SYNE2: variants seen among roughly 807,000 people sequenced by gnomAD.
SYNE2 encodes the protein spectrin repeat containing nuclear envelope protein 2.
Under a neutral mutation model 856.3 loss-of-function variants are expected in SYNE2, and 431 were observed. The observed-to-expected ratio is 0.50, with a 90% CI of 0.47 to 0.55. The LOEUF is 0.55. SYNE2 is among the 20% of genes least tolerant of loss of function. The pLI is 0.00. For synonymous variants in SYNE2, 2,923 were observed against 2,872.3 expected (o/e 1.02, Z -0.56); for missense variants, 8,129 against 8,023.2 (o/e 1.01, Z -0.50).
intron 99 of SYNE2, chr14:64,190,735 T>C: frequency 1.5e-6 from 1 of 662,640 alleles, no homozygotes; most frequent in East Asian, 2.7e-5. Context: ...AGGTCTCCCA[T>C]GGGTGTCTTG....
At chr14:64,096,102 T>G (rs904651701) in intron 61 of SYNE2, among the ~76,000 whole-genome samples, 1 of 152,246 alleles carries the variant, frequency 6.6e-6, no homozygotes, top group African/African-American at 2.4e-5. Context: ...GATCCTGGAC[T>G]TCCCAGTCTC....
chr14:64,110,602 G>T (rs201245721), intron 65 of SYNE2, among the ~76,000 whole-genome samples: 1 of 21,618 alleles, frequency 4.6e-5, no homozygotes, highest in African/African-American at 1.8e-4. Context: ...CCCCCCCCCC[G>T]CCAAAGTGTA....
At chr14:64,124,288 G>C (rs1595684915) in intron 70 of SYNE2, among the ~76,000 whole-genome samples, 1 of 152,016 alleles carries the variant, frequency 6.6e-6, no homozygotes, top group Non-Finnish European at 1.5e-5. Flanking sequence ...GAACTCCTGG[G>C]CTCAAACGAT....
At chr14:64,172,748 TAGTG>T (rs1363461615) in intron 94 of SYNE2, among the ~76,000 whole-genome samples, 1 of 151,868 alleles carries the variant, frequency 6.6e-6, no homozygotes, top group African/African-American at 2.4e-5. Flanking sequence ...GTGTACAACA[TAGTG>T]AGACCCCTGT....
At chr14:64,128,703 A>G in intron 74 of SYNE2, 150 bp downstream of exon 74, 1 of 656,684 alleles carries the variant, frequency 1.5e-6, no homozygotes, top group Non-Finnish European at 2.8e-6. Context: ...TGACTTTTTA[A>G]AAACATCTCC....
Position 64,000,581 on chromosome 14 carries a change from A to G in SYNE2, c.3500A>G (p.Asp1167Gly). The G allele has an allele frequency of 6.2e-7, 1 of 1,613,374 alleles. No homozygotes were observed. Among genetic ancestry groups the G allele is most frequent in the Non-Finnish European group, 8.5e-7 (1 of 1,179,554 alleles). The change falls in exon 28 of 116, where the codon GAT (aspartate) becomes GGT (glycine). Residue 1167 changes from aspartate to glycine, a missense_variant. Around this residue, in one of 3 missense-constraint regions of SYNE2, gnomAD observed 2,422 missense variants for 2,357.4 expected, o/e 1.03. Coordinates refer to ENST00000555002, the MANE Select transcript of SYNE2 (RefSeq NM_182914.3). Reference sequence around the variant, plus strand: ...ATCTAGGTCATAAAAAATGAAACTGATGCTCGCTGGAAAGAGTTTGAAATT... The same window carrying G: ...ATCTAGGTCATAAAAAATGAAACTGGTGCTCGCTGGAAAGAGTTTGAAATT... The part of the protein sequence containing the change: ...TDLQVIKNET[D>G]ARWKEFEIIS...
intron 87 of SYNE2, among the ~76,000 whole-genome samples, chr14:64,159,662 A>T (rs1233413746): frequency 6.6e-6 from 1 of 152,170 alleles, no homozygotes; most frequent in Admixed American, 6.5e-5. Context: ...TTAGTCTAGA[A>T]ATGGCCTAAT....
At chr14:64,215,421 C>T (rs2140270679) in intron 107 of SYNE2, 67 bp downstream of exon 107, 4 of 1,497,598 alleles carry the variant, frequency 2.7e-6, no homozygotes, top group South Asian at 1.1e-5. Flanking sequence ...TCCTCAACCT[C>T]GCTCCCATGT....
chr14:63,948,146 T>TAGACACACAG (rs1786543495), intron 6 of SYNE2, among the ~76,000 whole-genome samples: 2 of 119,738 alleles, frequency 1.7e-5, no homozygotes, highest in Admixed American at 9.2e-5. Context: ...TGCGCGCACA[T>TAGACACACAG]ACACACACAG....
chr14:64,007,072 T>A lies in SYNE2; in HGVS notation c.4427T>A (p.Val1476Asp). The A allele has an allele frequency of 1.2e-6, 2 of 1,613,672 alleles. No individual in the cohort carries two copies. The highest frequency in any genetic ancestry group is 8.5e-7 in the Non-Finnish European group (1 of 1,179,696). Residue 1476 changes from valine to aspartate, a missense_variant, in exon 31 of 116, where the codon GTT becomes GAT. Physicochemically the swap from Val to Asp is radical, Grantham distance 152 (BLOSUM62 -3). Around this residue, in one of 3 missense-constraint regions of SYNE2, gnomAD observed 2,422 missense variants for 2,357.4 expected, o/e 1.03. Coordinates refer to ENST00000555002, the MANE Select transcript of SYNE2 (RefSeq NM_182914.3). ...RKKSLIRLDK[V>D]LDEYEEEKRH... is the part of the protein sequence containing the mutation. ...AAATCATTAATCAGACTGGATAAGG[T>A]TCTAGATGAATATGAAGAAGAGAAG...
intron 79 of SYNE2, 60 bp from the exon 80 acceptor site, chr14:64,139,881 T>C (rs1016621554): frequency 7.0e-6 from 11 of 1,573,126 alleles, no homozygotes; most frequent in Middle Eastern, 1.7e-4. Flanking sequence ...TTGCTGGTGA[T>C]GCATATCATT....
At chr14:64,066,831 T>TG (rs1308554640) in intron 51 of SYNE2, among the ~76,000 whole-genome samples, 1 of 152,148 alleles carries the variant, frequency 6.6e-6, no homozygotes, top group Admixed American at 6.5e-5. Flanking sequence ...ATTTTATCGA[T>TG]GGGGAAACTG....
chr14:63,843,570 C>T (rs1425767089), intron 1 of SYNE2, among the ~76,000 whole-genome samples: 1 of 152,028 alleles, frequency 6.6e-6, no homozygotes, highest in Non-Finnish European at 1.5e-5. Context: ...TTTTTCCTGA[C>T]TTTGGTAAGA....
intron 103 of SYNE2, among the ~76,000 whole-genome samples, chr14:64,210,589 G>T (rs2098635477): frequency 6.6e-6 from 1 of 152,218 alleles, no homozygotes; most frequent in Non-Finnish European, 1.5e-5. Context: ...GTTGGGGACT[G>T]TGATTATTCT....
At chr14:63,878,840 C>T (rs142543345) in intron 1 of SYNE2, among the ~76,000 whole-genome samples, 213 of 152,220 alleles carry the variant, frequency 1.4e-3, no homozygotes, top group Non-Finnish European at 2.2e-3. Flanking sequence ...CCACTGCGCT[C>T]GGCTTGAAGC....
chr14:63,899,789 A>C (rs1418741012), intron 1 of SYNE2, among the ~76,000 whole-genome samples: 2 of 152,242 alleles, frequency 1.3e-5, no homozygotes, highest in Non-Finnish European at 2.9e-5. Flanking sequence ...GGCGTGAGCC[A>C]CTGTGCCTGA....
intron 64 of SYNE2, among the ~76,000 whole-genome samples, chr14:64,104,004 T>C (rs2097755104): frequency 6.6e-6 from 1 of 152,252 alleles, no homozygotes; most frequent in Non-Finnish European, 1.5e-5. Flanking sequence ...TACGATTTCA[T>C]GAGTGGAAAG....
intron 50 of SYNE2, 113 bp downstream of exon 50, chr14:64,063,008 A>T (rs2097329611): frequency 8.3e-7 from 1 of 1,211,022 alleles, no homozygotes; most frequent in African/African-American, 1.5e-5. Context: ...CTTCACAGTG[A>T]GTTAAATATC....
At chr14:64,165,769 C>T (rs979580433) in intron 90 of SYNE2, among the ~76,000 whole-genome samples, 1 of 152,158 alleles carries the variant, frequency 6.6e-6, no homozygotes, top group African/African-American at 2.4e-5. Flanking sequence ...CTGCCTCGGC[C>T]TCCCAAAGTG....
Sources: gnomAD v4.1 joint callset for allele counts (sites outside exome capture counted in the v4.1 genomes callset) on GRCh38, gnomAD v4.1.1 for gene constraint, gnomAD v4.1.1 regional missense constraint, MANE v1.5 for transcripts, NCBI Gene and HGNC (gene_info 2026-07-23, HGNC 2026-07-21) for gene names.